IFI27L1: variants seen among roughly 807,000 people sequenced by gnomAD.
IFI27L1 encodes the protein interferon alpha inducible protein 27 like 1.
A neutral mutation model predicts 9.2 loss-of-function variants in IFI27L1; 3 were observed. The observed-to-expected ratio is 0.32, with a 90% CI of 0.15 to 0.84. The LOEUF (loss-of-function observed/expected upper bound fraction) is 0.84. Ranked by LOEUF, IFI27L1 falls within the 40% of genes least tolerant of loss-of-function variation. The probability of loss-of-function intolerance (pLI) is 0.56; values close to 1 mark genes in which losing one functional copy is unlikely to be tolerated. For synonymous variants in IFI27L1, 53 were observed against 50.0 expected (o/e 1.06, Z -0.26); for missense variants, 133 against 134.2 (o/e 0.99, Z 0.05).
At chr14:94,086,260 G>A (rs922494846) in intron 1 of IFI27L1, among the ~76,000 whole-genome samples, 8 of 152,084 alleles carry the variant, frequency 5.3e-5, no homozygotes, top group Middle Eastern at 3.2e-3. Context: ...TGCCATGATC[G>A]TAAGCTTCCT....
rs759800406 is a variant in IFI27L1 at position 94,102,463 on chromosome 14, C to T, written c.224-14C>T. On this transcript the variant is annotated splice_polypyrimidine_tract_variant and intron_variant, in intron 4 of 4. Coordinates refer to ENST00000555523, the MANE Select transcript of IFI27L1 (RefSeq NM_206949.3). ...CCTCCCTGTGCCCTGTGCTCACCCT[C>T]TCTTCTCCCCCAGGGGCAGCTGGAC... 3 of 1,549,262 alleles carry T rather than the reference C, an allele frequency of 1.9e-6. No individual in the cohort carries two copies. Among genetic ancestry groups the T allele is most frequent in the Non-Finnish European group, 2.6e-6 (3 of 1,144,784 alleles).
chr14:94,083,819 G>A (rs938562763), intron 1 of IFI27L1, among the ~76,000 whole-genome samples: 1 of 152,224 alleles, frequency 6.6e-6, no homozygotes, highest in African/African-American at 2.4e-5. Context: ...GCCAGGTGTG[G>A]TGGCACATCC....
intron 2 of IFI27L1, among the ~76,000 whole-genome samples, chr14:94,098,955 G>A (rs916047657): frequency 2.0e-5 from 3 of 152,196 alleles, no homozygotes; most frequent in African/African-American, 7.2e-5. Flanking sequence ...GCCTAACCAC[G>A]GTGCCATTCT....
intron 2 of IFI27L1, among the ~76,000 whole-genome samples, chr14:94,099,435 A>G (rs1208369731): frequency 1.3e-5 from 2 of 152,196 alleles, no homozygotes; most frequent in African/African-American, 4.8e-5. Context: ...TGAAATTTGC[A>G]TAATCTCAGA....
At chr14:94,097,001 C>T in intron 2 of IFI27L1, 36 bp downstream of exon 2, 1 of 1,577,974 alleles carries the variant, frequency 6.3e-7, no homozygotes, top group East Asian at 2.3e-5. Flanking sequence ...GCTGCTGGTC[C>T]TTCCGAGGTG....
chr14:94,090,190 T>C (rs992125476), intron 1 of IFI27L1, among the ~76,000 whole-genome samples: 2 of 152,228 alleles, frequency 1.3e-5, no homozygotes, highest in African/African-American at 4.8e-5. Flanking sequence ...ATTTTTACAT[T>C]ACCCATCCCT....
chr14:94,102,036 G>C (rs755988331), intron 4 of IFI27L1, 61 bp downstream of exon 4: 4 of 1,581,046 alleles, frequency 2.5e-6, no homozygotes, highest in East Asian at 4.5e-5. Flanking sequence ...GGCTGAACCA[G>C]GGAGGCCTCT....
At chr14:94,096,564 C>T (rs896978301) in intron 1 of IFI27L1, among the ~76,000 whole-genome samples, 10 of 151,872 alleles carry the variant, frequency 6.6e-5, no homozygotes, top group African/African-American at 1.7e-4. Context: ...TGTGGTCGCA[C>T]GCACCTGTAA....
chr14:94,090,247 G>A (rs1369390839), intron 1 of IFI27L1, among the ~76,000 whole-genome samples: 1 of 152,162 alleles, frequency 6.6e-6, no homozygotes, highest in Admixed American at 6.5e-5. Flanking sequence ...TGGTTCACAG[G>A]AATAAGCAGG....
At chr14:94,087,211 G>A (rs928677495) in intron 1 of IFI27L1, among the ~76,000 whole-genome samples, 1 of 152,030 alleles carries the variant, frequency 6.6e-6, no homozygotes, top group East Asian at 1.9e-4. Flanking sequence ...TAACAGCAAG[G>A]GTGACACCAG....
At chr14:94,081,951 C>T (rs1183120290) in intron 1 of IFI27L1, among the ~76,000 whole-genome samples, 2 of 152,212 alleles carry the variant, frequency 1.3e-5, no homozygotes, top group Non-Finnish European at 2.9e-5. Flanking sequence ...TCGCACATCT[C>T]TCACTTTAAC....
intron 1 of IFI27L1, among the ~76,000 whole-genome samples, chr14:94,093,657 G>T (rs1037662106): frequency 1.3e-5 from 2 of 152,186 alleles, no homozygotes; most frequent in African/African-American, 2.4e-5. Context: ...CAGGGGCCCT[G>T]GTTGAAATCC....
At chr14:94,084,986 A>G (rs1228523933) in intron 1 of IFI27L1, among the ~76,000 whole-genome samples, 1 of 151,396 alleles carries the variant, frequency 6.6e-6, no homozygotes, top group Non-Finnish European at 1.5e-5. Context: ...ACAAAGCAAG[A>G]CCCTGTGTGG....
intron 3 of IFI27L1, chr14:94,101,448 AT>A (rs1886893158): frequency 3.4e-6 from 1 of 290,794 alleles, no homozygotes; most frequent in Non-Finnish European, 6.4e-6. Context: ...AGCAGCTCTG[AT>A]ATTGTCTTCT....
chr14:94,093,002 T>C (rs962790201), intron 1 of IFI27L1, among the ~76,000 whole-genome samples: 2 of 151,564 alleles, frequency 1.3e-5, no homozygotes, highest in African/African-American at 2.4e-5. Context: ...CAGCTAACTT[T>C]TGTATTTTTA....
chr14:94,095,490 G>A (rs1174386095), intron 1 of IFI27L1, among the ~76,000 whole-genome samples: 1 of 152,168 alleles, frequency 6.6e-6, no homozygotes, highest in Non-Finnish European at 1.5e-5. Flanking sequence ...CTGAAGCTGG[G>A]TAATTTATAA....
intron 2 of IFI27L1, among the ~76,000 whole-genome samples, chr14:94,098,972 C>T (rs1476468147): frequency 6.6e-6 from 1 of 152,234 alleles, no homozygotes; most frequent in African/African-American, 2.4e-5. Flanking sequence ...TTCTGCCTTT[C>T]CCTGAATGGA....
chr14:94,087,238 T>C (rs1382886703), intron 1 of IFI27L1, among the ~76,000 whole-genome samples: 1 of 152,144 alleles, frequency 6.6e-6, no homozygotes, highest in Non-Finnish European at 1.5e-5. Context: ...GTTGGGCAGG[T>C]AGTTTCTGGG....
intron 2 of IFI27L1, chr14:94,097,755 C>A (rs1228224349): frequency 1.4e-6 from 1 of 698,000 alleles, no homozygotes; most frequent in East Asian, 2.7e-5. Flanking sequence ...AGGCCACTTA[C>A]CCTGAGCTAC....
Sources: gnomAD v4.1 joint callset for allele counts (sites outside exome capture counted in the v4.1 genomes callset) on GRCh38, gnomAD v4.1.1 for gene constraint, MANE v1.5 for transcripts, NCBI Gene and HGNC (gene_info 2026-07-23, HGNC 2026-07-21) for gene names.